Variants in CYFIP1 observed in about 807,000 individuals in gnomAD.
CYFIP1 encodes cytoplasmic FMR1 interacting protein 1.
Under a neutral mutation model 163.5 loss-of-function variants are expected in CYFIP1, and 58 were observed. The ratio of observed to expected loss-of-function variants is 0.35; its 90% CI spans 0.29 to 0.44. The LOEUF (loss-of-function observed/expected upper bound fraction) is 0.44. Ranked by LOEUF, CYFIP1 falls within the 20% of genes least tolerant of loss-of-function variation. CYFIP1 has a pLI of 1.00. For missense variants in CYFIP1, 1,338 were observed against 1,653.8 expected (o/e 0.81, Z 3.31); for synonymous variants, 663 against 660.7 (o/e 1.00, Z -0.05).
At chr15:22,979,168 G>A (rs1016914210) in intron 1 of CYFIP1, among the ~76,000 whole-genome samples, 1 of 152,072 alleles carries the variant, frequency 6.6e-6, no homozygotes, top group African/African-American at 2.4e-5. Flanking sequence ...CACCTGCTAC[G>A]GCCCGCGCCC....
At chr15:22,933,088 C>T (rs1363532565) in intron 10 of CYFIP1, among the ~76,000 whole-genome samples, 1 of 152,144 alleles carries the variant, frequency 6.6e-6, no homozygotes, top group African/African-American at 2.4e-5. Context: ...TCCACCTCGG[C>T]CTCCCAAAGT....
intron 1 of CYFIP1, among the ~76,000 whole-genome samples, chr15:22,964,043 T>C (rs1372600099): frequency 6.6e-6 from 1 of 152,110 alleles, no homozygotes; most frequent in East Asian, 1.9e-4. Flanking sequence ...AATTAAGGTA[T>C]TGTTGACAAA....
rs980312630 is a variant in CYFIP1, at chr15:22,916,869, AATG to A, written c.1675-242_1675-240del. On this transcript the variant is annotated intron_variant, in intron 15 of 30. Coordinates refer to ENST00000617928, the MANE Select transcript of CYFIP1 (RefSeq NM_014608.6). ...CGTGCCATAAACGTCAAGAGAAACA[AATG>A]ATGTCTTACCACCAAAGGTTAAAAG... The A allele has an allele frequency of 9.0e-6, 14 of 1,551,968 alleles. No individual in the cohort carries two copies. In the African/African-American group the frequency reaches 1.9e-4, roughly 21 times the overall value.
chr15:22,924,067 T>C (rs889215977), intron 13 of CYFIP1, among the ~76,000 whole-genome samples: 2 of 151,806 alleles, frequency 1.3e-5, no homozygotes, highest in African/African-American at 4.8e-5. Context: ...AACATATCCA[T>C]GTAATGCAAT....
intron 1 of CYFIP1, among the ~76,000 whole-genome samples, chr15:22,978,295 C>T (rs1031155303): frequency 3.2e-5 from 4 of 126,442 alleles, no homozygotes; most frequent in African/African-American, 1.2e-4. Context: ...TAGGTTGTGG[C>T]GAGCCGAGTT....
At chr15:22,870,408 A>C (rs2059400990) in intron 30 of CYFIP1, among the ~76,000 whole-genome samples, 1 of 151,928 alleles carries the variant, frequency 6.6e-6, no homozygotes, top group Non-Finnish European at 1.5e-5. Context: ...CTGTAGCCTC[A>C]AGACATCCTC....
Position 22,939,335 on chromosome 15 carries a change from A to C in CYFIP1, c.667-15T>G, listed in dbSNP as rs188449048. 6.2e-7 allele frequency: 1 copy of C among 1,614,156 alleles called. No homozygotes were observed. The highest frequency in any genetic ancestry group is 8.5e-7 in the Non-Finnish European group (1 of 1,180,012). ...TGCTGCAGAGACTGAAACACAGAGC[A>C]AGAGACTCATGCATGGGCCCGGCGC... On this transcript the variant is annotated splice_polypyrimidine_tract_variant and intron_variant, in intron 7 of 30. Transcript: ENST00000617928.
intron 3 of CYFIP1, among the ~76,000 whole-genome samples, chr15:22,945,361 A>G (rs975647877): frequency 1.2e-4 from 19 of 152,120 alleles, no homozygotes; most frequent in African/African-American, 4.1e-4. Context: ...CCCAGAGAGG[A>G]CTAGAGGCAG....
chr15:22,872,419 G>A (rs1486673661), intron 30 of CYFIP1, among the ~76,000 whole-genome samples: 1 of 152,140 alleles, frequency 6.6e-6, no homozygotes, highest in African/African-American at 2.4e-5. Context: ...AGAATGGAAA[G>A]GAGGCTGAAA....
chr15:22,906,608 G>A (rs1336790935), intron 21 of CYFIP1, among the ~76,000 whole-genome samples: 3 of 151,932 alleles, frequency 2.0e-5, no homozygotes, highest in Non-Finnish European at 4.4e-5. Context: ...TGGGACTACA[G>A]GCGTCCGCCA....
chr15:22,935,308 A>G (rs2061678137), intron 9 of CYFIP1, among the ~76,000 whole-genome samples: 1 of 152,236 alleles, frequency 6.6e-6, no homozygotes, highest in South Asian at 2.1e-4. Context: ...TCATGACCTT[A>G]GCAGCACTGC....
chr15:22,918,704 T>C lies in CYFIP1; in HGVS notation c.1514A>G (p.Asn505Ser), dbSNP rs202236334. ...GGGGAAGGCTGACCTCTGGATGACG[T>C]TCTTCTTCTTCTTGATGGCCTGCCG... ...PLRQAIKKKK[N>S]VIQSVLQAIR... The change falls in exon 14 of 31, where the codon AAC becomes AGC. Residue 505 changes from asparagine (N) to serine (S), a missense_variant. Physicochemically the swap from Asn to Ser is conservative, Grantham distance 46 (BLOSUM62 1). This residue lies in a region of CYFIP1 where 824 missense variants were observed against 995.7 expected (regional missense o/e 0.83). Transcript: ENST00000617928. 41 of 1,584,604 alleles carry C rather than the reference T, an allele frequency of 2.6e-5. No homozygotes were observed. The Admixed American group carries it at 6.8e-4, about 26-fold the overall frequency.
intron 25 of CYFIP1, among the ~76,000 whole-genome samples, chr15:22,880,660 C>T (rs2059731117): frequency 6.6e-6 from 1 of 152,198 alleles, no homozygotes; most frequent in Non-Finnish European, 1.5e-5. Flanking sequence ...GCACAATGAA[C>T]GTGGCATCAG....
At chr15:22,934,145 T>A (rs2061626440) in intron 9 of CYFIP1, among the ~76,000 whole-genome samples, 1 of 106,808 alleles carries the variant, frequency 9.4e-6, no homozygotes, top group African/African-American at 3.3e-5. Context: ...AGATCCACAG[T>A]CATAAAAAAA....
In CYFIP1 at chr15:22,897,528, G is replaced by A. The variant is rs180883383; in HGVS notation, c.2589-4551C>T. On this transcript the variant is annotated intron_variant, in intron 22 of 30. Transcript: ENST00000617928. Reference sequence around the variant, plus strand: ...TTTTAAAGATAGTCTCTGTCACCCAGGCTGGAGTGCAGTCGCGCATTCTTG... The same window carrying A: ...TTTTAAAGATAGTCTCTGTCACCCAAGCTGGAGTGCAGTCGCGCATTCTTG... Among the ~76,000 whole-genome samples, 8 of 151,590 alleles carry A rather than the reference G, an allele frequency of 5.3e-5. No homozygotes were observed. The East Asian group carries it at 1.6e-3, about 29-fold the overall frequency.
chr15:22,941,368 G>A (rs62011561), intron 6 of CYFIP1, among the ~76,000 whole-genome samples: 13 of 152,086 alleles, frequency 8.5e-5, no homozygotes, highest in Non-Finnish European at 1.9e-4. Flanking sequence ...GGCCATGTTT[G>A]CTTTATTGAT....
intron 21 of CYFIP1, 63 bp from the exon 22 acceptor site, chr15:22,903,968 G>A: frequency 2.0e-6 from 3 of 1,496,626 alleles, no homozygotes; most frequent in Non-Finnish European, 1.8e-6. Flanking sequence ...GGCGCCGAGT[G>A]GCCTCTGATC....
chr15:22,970,037 T>C (rs1456097546), intron 1 of CYFIP1, among the ~76,000 whole-genome samples: 2 of 152,156 alleles, frequency 1.3e-5, no homozygotes, highest in Non-Finnish European at 2.9e-5. Context: ...AATAAACGAA[T>C]TCAGGGAAGT....
At chr15:22,870,331 T>TG in intron 30 of CYFIP1, 139 bp from the exon 31 acceptor site, 1 of 1,044,190 alleles carries the variant, frequency 9.6e-7, no homozygotes, top group South Asian at 1.7e-5. Flanking sequence ...CTTTTTGGGT[T>TG]TTTTTTTGTA....
Sources: gnomAD v4.1 joint callset for allele counts (sites outside exome capture counted in the v4.1 genomes callset) on GRCh38, gnomAD v4.1.1 for gene constraint, gnomAD v4.1.1 regional missense constraint, MANE v1.5 for transcripts, NCBI Gene and HGNC (gene_info 2026-07-23, HGNC 2026-07-21) for gene names.